Variants in RIC8B observed in about 807,000 individuals in gnomAD.
RIC8B encodes the protein chaperone Ric-8B.
In RIC8B, 16 loss-of-function variants were observed where a neutral mutation model predicts 57.5. The ratio of observed to expected loss-of-function variants is 0.28; its 90% CI spans 0.19 to 0.42. The LOEUF (loss-of-function observed/expected upper bound fraction) is 0.42. RIC8B is among the 10% of genes least tolerant of loss of function. RIC8B has a pLI of 1.00. For missense variants in RIC8B, 481 were observed against 677.0 expected, an observed-to-expected ratio of 0.71 and a Z score of 3.21; for synonymous variants, 216 against 250.8, an observed-to-expected ratio of 0.86 and a Z score of 1.31.
intron 6 of RIC8B, among the ~76,000 whole-genome samples, chr12:106,849,783 T>C (rs1194038967): frequency 6.6e-6 from 1 of 152,226 alleles, no homozygotes; most frequent in Non-Finnish European, 1.5e-5. Flanking sequence ...ATCATAGATA[T>C]AATTATCTTA....
At chr12:106,842,431 A>G (rs956672264) in intron 4 of RIC8B, among the ~76,000 whole-genome samples, 158 bp from the exon 5 acceptor site, 9 of 152,108 alleles carry the variant, frequency 5.9e-5, no homozygotes, top group African/African-American at 1.9e-4. Flanking sequence ...TTTATTTCCT[A>G]TCTCATAGTA....
intron 7 of RIC8B, among the ~76,000 whole-genome samples, 156 bp from the exon 8 acceptor site, chr12:106,860,112 G>T (rs1949865984): frequency 6.6e-6 from 1 of 152,164 alleles, no homozygotes; most frequent in Non-Finnish European, 1.5e-5. Context: ...AAATTTGTAA[G>T]TAGTTCAGTA....
At chr12:106,860,638 T>G (rs1949891210) in intron 8 of RIC8B, among the ~76,000 whole-genome samples, 1 of 152,170 alleles carries the variant, frequency 6.6e-6, no homozygotes, top group Non-Finnish European at 1.5e-5. Flanking sequence ...ACTTATTATC[T>G]TCTCCCAAGT....
chr12:106,790,193 T>C (rs1247947080), intron 2 of RIC8B, among the ~76,000 whole-genome samples: 1 of 152,194 alleles, frequency 6.6e-6, no homozygotes, highest in African/African-American at 2.4e-5. Context: ...TTATCTATTA[T>C]GTGCAGCTCC....
At chr12:106,861,685 C>T (rs1413980177) in intron 8 of RIC8B, among the ~76,000 whole-genome samples, 2 of 152,094 alleles carry the variant, frequency 1.3e-5, no homozygotes, top group Non-Finnish European at 2.9e-5. Flanking sequence ...TAGAAGTCAT[C>T]ATTCTAAATT....
At chr12:106,874,601 T>A (rs989552149) in intron 9 of RIC8B, 5 of 1,464,106 alleles carry the variant, frequency 3.4e-6, no homozygotes, top group African/African-American at 1.4e-5. Context: ...CTGAGCCTGG[T>A]GTAGGGTATA....
At chr12:106,775,048 T>C in intron 1 of RIC8B, 1 of 553,706 alleles carries the variant, frequency 1.8e-6, no homozygotes, top group Admixed American at 3.1e-5. Context: ...CTCTGATTCC[T>C]GGCCCAGCAG....
intron 3 of RIC8B, chr12:106,823,476 G>C (rs1334249815): frequency 4.4e-6 from 2 of 455,516 alleles, no homozygotes; most frequent in South Asian, 3.1e-5. Flanking sequence ...GTTTGCAGCT[G>C]CAAATAATGG....
intron 2 of RIC8B, among the ~76,000 whole-genome samples, chr12:106,802,503 A>G (rs1005406856): frequency 6.9e-6 from 1 of 145,044 alleles, no homozygotes; most frequent in African/African-American, 2.5e-5. Context: ...GACTATAGGG[A>G]TAGGTATTTC....
intron 9 of RIC8B, chr12:106,878,933 G>A: frequency 8.1e-6 from 8 of 983,044 alleles, no homozygotes; most frequent in Non-Finnish European, 8.5e-6. Flanking sequence ...TCTCTAACAT[G>A]CTGTTTTATC....
At chr12:106,789,929 C>CG (rs1555245018) in intron 2 of RIC8B, among the ~76,000 whole-genome samples, 2,761 of 142,702 alleles carry the variant, frequency 0.019, 49 homozygotes, top group Middle Eastern at 0.051. Flanking sequence ...CAGTGCCCTT[C>CG]AAAAAAAAAA....
chr12:106,868,304 C>T (rs1055922707), intron 8 of RIC8B: 2 of 456,674 alleles, frequency 4.4e-6, no homozygotes, highest in African/African-American at 4.0e-5. Flanking sequence ...ATTACAGCTC[C>T]ATTGAATTTG....
intron 4 of RIC8B, among the ~76,000 whole-genome samples, chr12:106,834,961 G>T (rs2046523736): frequency 7.4e-6 from 1 of 134,756 alleles, no homozygotes; most frequent in African/African-American, 2.8e-5. Context: ...TCCAGCCTGG[G>T]CGACAGAGCG....
At chr12:106,785,756 G>A (rs1439226397) in intron 2 of RIC8B, among the ~76,000 whole-genome samples, 1 of 145,920 alleles carries the variant, frequency 6.9e-6, no homozygotes, top group Non-Finnish European at 1.5e-5. Flanking sequence ...GAGAATTTGG[G>A]AGGTGAGCTC....
intron 5 of RIC8B, 22 bp from the exon 6 acceptor site, chr12:106,843,830 C>G (rs1417017659): frequency 6.6e-7 from 1 of 1,506,808 alleles, no homozygotes; most frequent in Admixed American, 1.8e-5. Flanking sequence ...ATTTCAAAAA[C>G]ATATGGTTTT....
intron 2 of RIC8B, among the ~76,000 whole-genome samples, chr12:106,801,488 A>G (rs1020204588): frequency 6.6e-6 from 1 of 152,234 alleles, no homozygotes; most frequent in Admixed American, 6.5e-5. Context: ...GTACATGTGC[A>G]GGAAAGGAAG....
chr12:106,784,560 A>G (rs1418723160), intron 2 of RIC8B, among the ~76,000 whole-genome samples: 1 of 152,056 alleles, frequency 6.6e-6, no homozygotes, highest in African/African-American at 2.4e-5. Context: ...GGGTCTCATC[A>G]TGTTGCCCAT....
chr12:106,879,107 G>A lies in RIC8B; in HGVS notation c.1572-6797G>A. 7 of 985,806 alleles carry A rather than the reference G, an allele frequency of 7.1e-6. No individual in the cohort carries two copies. Among genetic ancestry groups the A allele is most frequent in the Non-Finnish European group, 8.4e-6 (7 of 829,932 alleles). The allele number at this position is 985,806 out of a possible 1,614,324, so 61.1% of individuals were successfully genotyped here. A position where few individuals can be genotyped will look rare whatever the true frequency, so the allele number is the denominator to read the frequency against. ...CGTTATCAAGCTAAGTGGCAAGCGG[G>A]AAGCTGAAACTCGTATAGGTAAATT... On this transcript the variant is annotated intron_variant, in intron 9 of 9. Transcript: ENST00000392837. This position sits in a 1 kb window ranked among gnomAD's most constrained non-coding sequence, Gnocchi z 4.9.
chr12:106,801,674 T>G (rs1287434070), intron 2 of RIC8B, among the ~76,000 whole-genome samples: 1 of 152,224 alleles, frequency 6.6e-6, no homozygotes, highest in African/African-American at 2.4e-5. Flanking sequence ...TTAGAAGATC[T>G]CCATGTTAGC....
Sources: allele counts gnomAD v4.1 joint callset (sites outside exome capture counted in the v4.1 genomes callset), GRCh38; gene constraint gnomAD v4.1.1; non-coding constraint Gnocchi (gnomAD v3.1); transcripts MANE v1.5; gene names NCBI Gene and HGNC (gene_info 2026-07-23, HGNC 2026-07-21).